The following XRCC4 variants were observed in gnomAD, a reference collection of about 807,000 sequenced individuals.
XRCC4 encodes DNA repair protein XRCC4.
XRCC4 carries 28 observed loss-of-function variants against 39.1 expected under a neutral mutation model. The ratio of observed to expected loss-of-function variants is 0.72; its 90% confidence interval spans 0.53 to 0.98. XRCC4 has a LOEUF of 0.98. Among genes scored for constraint, XRCC4 ranks in the 50% least tolerant of loss-of-function variants. The pLI, the probability that XRCC4 is intolerant of heterozygous loss-of-function variation, is 0.00. For missense variants in XRCC4, 350 were observed against 376.4 expected, an observed-to-expected ratio of 0.93 and a Z score of 0.58; for synonymous variants, 123 against 126.4, an observed-to-expected ratio of 0.97 and a Z score of 0.18.
intron 7 of XRCC4, among the ~76,000 whole-genome samples, chr5:83,350,449 A>G (rs867489828): frequency 5.9e-5 from 9 of 152,152 alleles, no homozygotes; most frequent in African/African-American, 2.2e-4. Flanking sequence ...CTTTTTAATA[A>G]CAGGCATTCT....
chr5:83,205,674 A>G (rs1368602369), intron 6 of XRCC4, among the ~76,000 whole-genome samples: 1 of 152,152 alleles, frequency 6.6e-6, no homozygotes, highest in Non-Finnish European at 1.5e-5. Flanking sequence ...ATTAGACAGC[A>G]AAACACAAAA....
chr5:83,242,227 A>G (rs1752942718), intron 6 of XRCC4, among the ~76,000 whole-genome samples: 1 of 150,562 alleles, frequency 6.6e-6, no homozygotes, highest in South Asian at 2.1e-4. Context: ...GCATGAAACT[A>G]CTTACCCTTG....
chr5:83,128,114 C>A lies in XRCC4; in HGVS notation c.315+16911C>A, dbSNP rs1483451794. On this transcript the variant is annotated intron_variant, in intron 3 of 7. Coordinates refer to ENST00000396027, the MANE Select transcript of XRCC4 (RefSeq NM_003401.5). Reference sequence around the variant, plus strand: ...CATTAGGTATATCTCCTAATGCTATCCGTCCACCCTCCTGCCACCCCACGA... The same window carrying A: ...CATTAGGTATATCTCCTAATGCTATACGTCCACCCTCCTGCCACCCCACGA... 4.6e-5 allele frequency among the ~76,000 whole-genome samples: 7 copies of A among 152,048 alleles called. No homozygotes were observed. The East Asian group carries it at 1.4e-3, about 29-fold the overall frequency.
At chr5:83,335,181 T>C (rs1756557452) in intron 7 of XRCC4, among the ~76,000 whole-genome samples, 2 of 151,968 alleles carry the variant, frequency 1.3e-5, no homozygotes, top group African/African-American at 4.8e-5. Context: ...ATTGGGTTTG[T>C]TTGGATTAGA....
At chr5:83,338,743 A>T (rs947428104) in intron 7 of XRCC4, among the ~76,000 whole-genome samples, 7 of 152,194 alleles carry the variant, frequency 4.6e-5, no homozygotes, top group African/African-American at 1.7e-4. Context: ...AAAAATTAGT[A>T]ATTTGTGTAA....
At chr5:83,162,610 C>T (rs1749268655) in intron 3 of XRCC4, among the ~76,000 whole-genome samples, 1 of 152,150 alleles carries the variant, frequency 6.6e-6, no homozygotes, top group Admixed American at 6.5e-5. Context: ...ACAGAGTTTA[C>T]CACTGAGTCA....
Position 83,326,500 on chromosome 5 carries a change from C to T in XRCC4, c.894-26631C>T, listed in dbSNP as rs972891670. 8.6e-5 allele frequency among the ~76,000 whole-genome samples: 13 copies of T among 151,998 alleles called. No homozygotes were observed. The East Asian group carries it at 2.5e-3, about 29-fold the overall frequency. On this transcript the variant is annotated intron_variant, in intron 7 of 7. Transcript: ENST00000396027. ...CCATGATTAAAAGAAATTTTAAAAT[C>T]CTTCTAACCAAGCTTGAGCCATATA...
intron 6 of XRCC4, among the ~76,000 whole-genome samples, chr5:83,237,822 TA>T (rs1406723443): frequency 1.3e-5 from 2 of 152,114 alleles, no homozygotes; most frequent in Non-Finnish European, 2.9e-5. Flanking sequence ...CTCTTTTTTT[TA>T]CAATAAATAT....
chr5:83,141,650 A>G lies in XRCC4; in HGVS notation c.315+30447A>G, dbSNP rs954126720. Reference sequence around the variant, plus strand: ...TGTGTCTTTTTCCTCTTTTTTTTCTATTTGATTTTGATCCTTTGTCCTTCA... The same window carrying G: ...TGTGTCTTTTTCCTCTTTTTTTTCTGTTTGATTTTGATCCTTTGTCCTTCA... On this transcript the variant is annotated intron_variant, in intron 3 of 7. Coordinates refer to ENST00000396027, the MANE Select transcript of XRCC4 (RefSeq NM_003401.5). Among the ~76,000 whole-genome samples the G allele has an allele frequency of 4.3e-5, 6 of 140,184 alleles. No individual in the cohort carries two copies. The East Asian group carries it at 8.1e-4, about 19-fold the overall frequency. The allele number at this position is 140,184 out of a possible 152,430, so 92.0% of individuals were successfully genotyped here.
intron 7 of XRCC4, among the ~76,000 whole-genome samples, chr5:83,321,097 G>A (rs76295410): frequency 2.0e-5 from 3 of 152,040 alleles, no homozygotes; most frequent in African/African-American, 7.2e-5. Context: ...GCATTAGCAA[G>A]TTATGTACAT....
intron 7 of XRCC4, among the ~76,000 whole-genome samples, chr5:83,282,280 A>G (rs1754569400): frequency 6.6e-6 from 1 of 152,200 alleles, no homozygotes; most frequent in African/African-American, 2.4e-5. Context: ...GAAAATAACC[A>G]GGAATGTACG....
intron 1 of XRCC4, among the ~76,000 whole-genome samples, chr5:83,093,014 GACACACACAC>G (rs34020910): frequency 3.1e-4 from 47 of 149,428 alleles, no homozygotes; most frequent in African/African-American, 1.1e-3. Context: ...TAAATGAATG[GACACACACAC>G]ACACACACAC....
chr5:83,203,402 C>A, intron 4 of XRCC4, 150 bp from the exon 5 acceptor site: 1 of 567,552 alleles, frequency 1.8e-6, no homozygotes. Context: ...TGTATTTAAC[C>A]ATCTTTATAA....
At chr5:83,234,694 T>TATG (rs1048685435) in intron 6 of XRCC4, among the ~76,000 whole-genome samples, 2 of 152,126 alleles carry the variant, frequency 1.3e-5, no homozygotes, top group Non-Finnish European at 2.9e-5. Flanking sequence ...ACATTTCTCC[T>TATG]ATGTCACAGG....
intron 3 of XRCC4, among the ~76,000 whole-genome samples, chr5:83,169,010 G>A (rs1371510000): frequency 6.6e-6 from 1 of 152,144 alleles, no homozygotes; most frequent in Admixed American, 6.5e-5. Context: ...AGCAGGGGTT[G>A]GTCAGAGGGC....
chr5:83,353,275 C>T lies in XRCC4; in HGVS notation c.*33C>T, dbSNP rs1757136207. 5 of 1,445,036 alleles carry T rather than the reference C, an allele frequency of 3.5e-6. No individual in the cohort carries two copies. Among genetic ancestry groups the T allele is most frequent in the African/African-American group, 2.9e-5 (2 of 69,302 alleles). 89.5% of individuals were successfully genotyped at this position (1,445,036 alleles called of 1,614,324 possible). A position where few individuals can be genotyped will look rare whatever the true frequency, so the allele number is the denominator to read the frequency against. On this transcript the variant is annotated 3_prime_UTR_variant, in exon 8 of 8. Transcript: ENST00000396027. ...AAAAAATACTTTGATGTTCACTAGA[C>T]TATGTTTTCTATTCATTTCTTTAAA...
At chr5:83,282,903 C>T (rs1053992583) in intron 7 of XRCC4, among the ~76,000 whole-genome samples, 1 of 151,970 alleles carries the variant, frequency 6.6e-6, no homozygotes, top group Admixed American at 6.6e-5. Flanking sequence ...ATTCTAGTAA[C>T]TTATACGACA....
intron 7 of XRCC4, among the ~76,000 whole-genome samples, chr5:83,284,378 T>A (rs1300061912): frequency 6.6e-6 from 1 of 152,144 alleles, no homozygotes; most frequent in Admixed American, 6.5e-5. Context: ...AAAATGTTAA[T>A]CTTTCAGATG....
intron 7 of XRCC4, among the ~76,000 whole-genome samples, chr5:83,311,452 T>C (rs1319157114): frequency 6.6e-6 from 1 of 152,170 alleles, no homozygotes; most frequent in Non-Finnish European, 1.5e-5. Context: ...TATGAATGTA[T>C]CAAATTATCA....
Sources: gnomAD v4.1 joint callset for allele counts (sites outside exome capture counted in the v4.1 genomes callset) on GRCh38, gnomAD v4.1.1 for gene constraint, MANE v1.5 for transcripts, NCBI Gene and HGNC (gene_info 2026-07-23, HGNC 2026-07-21) for gene names.